BRD1: variants seen among roughly 807,000 people sequenced by gnomAD.
BRD1 encodes the protein bromodomain-containing protein 1.
A neutral mutation model predicts 107.7 loss-of-function variants in BRD1; 24 were observed. That is an observed-to-expected ratio of 0.22 (90% CI 0.16 to 0.31). BRD1 has a LOEUF of 0.31. BRD1 is among the 10% of genes least tolerant of loss of function. The pLI is 1.00. For synonymous variants in BRD1, 744 were observed against 686.1 expected (o/e 1.08, Z -1.32); for missense variants, 1,279 against 1,638.6 (o/e 0.78, Z 3.79).
Position 49,822,960 on chromosome 22 carries a change from G to T in BRD1, c.1358C>A (p.Pro453His). 4 of 1,613,874 alleles carry T rather than the reference G, an allele frequency of 2.5e-6. No individual in the cohort carries two copies. The highest frequency in any genetic ancestry group is 3.4e-6 in the Non-Finnish European group (4 of 1,179,878). Residue 453 changes from proline to histidine, a missense_variant, in exon 2 of 13, where the codon CCC becomes CAC. By Grantham distance (77) the Pro-to-His change is moderately conservative. Coordinates refer to ENST00000404760, the MANE Select transcript of BRD1 (RefSeq NM_001304808.3). ...GCTTGGACACGCTTACCTCTGCGGG[G>T]GAATATAAGGAGCGCACACGGTCGG... ...VLPTVCAPYI[P>H]PQRLNRIANQ...
At chr22:49,793,964 T>C (rs2059482239) in intron 7 of BRD1, 70 bp downstream of exon 7, 15 of 1,543,710 alleles carry the variant, frequency 9.7e-6, no homozygotes, top group African/African-American at 1.4e-5. Flanking sequence ...TGTCTGGGTC[T>C]GTGCCTGTGC....
chr22:49,800,217 C>A (rs959524792), intron 3 of BRD1, among the ~76,000 whole-genome samples: 62 of 152,302 alleles, frequency 4.1e-4, no homozygotes, highest in Non-Finnish European at 7.2e-4. Context: ...GGACTCCAAA[C>A]TGCTCAGAAA....
intron 3 of BRD1, 101 bp downstream of exon 3, chr22:49,804,103 G>T: frequency 9.4e-7 from 1 of 1,059,618 alleles, no homozygotes; most frequent in Non-Finnish European, 1.3e-6. Flanking sequence ...GGGAGCCTGA[G>T]CCCAGGGGGC....
intron 3 of BRD1, among the ~76,000 whole-genome samples, chr22:49,802,648 G>A (rs1256324205): frequency 4.7e-5 from 6 of 128,376 alleles, no homozygotes; most frequent in South Asian, 2.9e-4. Context: ...CCAACATCGC[G>A]GGGGCCGAGA....
chr22:49,818,338 A>G (rs1356007519), intron 2 of BRD1: 2 of 1,269,684 alleles, frequency 1.6e-6, no homozygotes, highest in Admixed American at 4.7e-5. Context: ...CTGCCTGCTG[A>G]TCACAGTCTC....
intron 6 of BRD1, among the ~76,000 whole-genome samples, chr22:49,797,573 T>A (rs951936554): frequency 7.2e-5 from 11 of 152,230 alleles, no homozygotes; most frequent in African/African-American, 2.4e-4. Context: ...ACCGATCCCA[T>A]GTTGAAATCA....
At chr22:49,790,166 A>C (rs550564152) in intron 7 of BRD1, among the ~76,000 whole-genome samples, 2 of 152,208 alleles carry the variant, frequency 1.3e-5, no homozygotes, top group Non-Finnish European at 2.9e-5. Flanking sequence ...CCGGGACCAC[A>C]CAGGCCCCTC....
At position 49,824,125 on chromosome 22, in the gene BRD1, G is replaced by C. The variant is rs777042149; in HGVS notation, c.193C>G (p.Leu65Val). 81 of 1,613,900 alleles carry C rather than the reference G, an allele frequency of 5.0e-5. No individual in the cohort carries two copies. Among genetic ancestry groups the C allele is most frequent in the Middle Eastern group, 1.6e-4 (1 of 6,084 alleles). The part of the protein sequence containing the change: ...DPLEIILEDD[L>V]TAQEMSECNS... ...CACTCACTCATCTCTTGAGCAGTGA[G>C]GTCATCTTCCAATATGATCTCCAGG... The change falls in exon 2 of 13, where the codon CTC (leucine) becomes GTC (valine). Residue 65 changes from leucine (L) to valine (V), a missense_variant. This residue lies in a region of BRD1 where 223 missense variants were observed against 263.5 expected (regional missense o/e 0.85). Transcript: ENST00000404760. This position sits in a 1 kb window ranked among gnomAD's most constrained non-coding sequence, Gnocchi z 5.9.
At chr22:49,774,561 G>A in intron 12 of BRD1, 145 bp from the exon 13 acceptor site, 2 of 920,278 alleles carry the variant, frequency 2.2e-6, no homozygotes, top group Admixed American at 2.8e-5. Flanking sequence ...CCCGTGCAGG[G>A]ACAGGCCCGA....
rs116197859 is a variant in BRD1 at position 49,786,072 on chromosome 22, C to T, written c.2857+1318G>A. ...TGGGAAATAAGCAACACCCACCCAG[C>T]CCCACCCTCTCTCACTGCTCAAGTG... On this transcript the variant is annotated intron_variant, in intron 8 of 12. Transcript: ENST00000404760. 8.0e-3 allele frequency among the ~76,000 whole-genome samples: 1,209 copies of T among 151,688 alleles called. 21 individuals are homozygous for T. Among genetic ancestry groups the T allele is most frequent in the African/African-American group, 0.027 (1,134 of 41,290 alleles).
intron 1 of BRD1, among the ~76,000 whole-genome samples, chr22:49,827,046 C>G (rs2147459825): frequency 6.6e-6 from 1 of 152,170 alleles, no homozygotes; most frequent in South Asian, 2.1e-4. Context: ...GGGCGCGTCC[C>G]TGCTCACAGG....
intron 6 of BRD1, among the ~76,000 whole-genome samples, chr22:49,797,229 G>A (rs1281749912): frequency 2.0e-5 from 3 of 152,370 alleles, no homozygotes; most frequent in South Asian, 4.1e-4. Context: ...CACAAGCCCA[G>A]GCTGGAGTCC....
Position 49,792,497 on chromosome 22 carries a change from G to A in BRD1, c.2359+1537C>T, listed in dbSNP as rs983672100. Among the ~76,000 whole-genome samples, 4 of 152,224 alleles carry A rather than the reference G, an allele frequency of 2.6e-5. No homozygotes were observed. In the East Asian group the frequency reaches 7.7e-4, roughly 29 times the overall value. On this transcript the variant is annotated intron_variant, in intron 7 of 12. Coordinates refer to ENST00000404760, the MANE Select transcript of BRD1 (RefSeq NM_001304808.3). This position sits in a 1 kb window ranked among gnomAD's most constrained non-coding sequence, Gnocchi z 4.2. ...CTGCCAGAGGGTCCTGTAGGCAAACGTTCCTCAGAAAAAACACGAGGCCCC... is the reference window on the plus strand; with the variant it reads ...CTGCCAGAGGGTCCTGTAGGCAAACATTCCTCAGAAAAAACACGAGGCCCC...
chr22:49,802,809 G>C (rs1037512419), intron 3 of BRD1, among the ~76,000 whole-genome samples: 1 of 152,252 alleles, frequency 6.6e-6, no homozygotes, highest in Admixed American at 6.5e-5. Context: ...AGCCCTGGAG[G>C]CTACGAGGTG....
chr22:49,800,401 C>T (rs898393150), intron 3 of BRD1, among the ~76,000 whole-genome samples: 6 of 152,080 alleles, frequency 3.9e-5, no homozygotes, highest in Non-Finnish European at 7.4e-5. Context: ...TAACAAGATC[C>T]ACATCAACTC....
At chr22:49,815,505 T>C (rs1204249422) in intron 2 of BRD1, among the ~76,000 whole-genome samples, 5 of 151,376 alleles carry the variant, frequency 3.3e-5, no homozygotes, top group Non-Finnish European at 1.5e-5. Context: ...ATCACGCCAC[T>C]GCACTCCAGC....
chr22:49,815,154 G>A (rs558073882), intron 2 of BRD1, among the ~76,000 whole-genome samples: 1 of 152,234 alleles, frequency 6.6e-6, no homozygotes, highest in African/African-American at 2.4e-5. Context: ...GCAGAGGAAG[G>A]TGCGGTGAGG....
intron 2 of BRD1, among the ~76,000 whole-genome samples, chr22:49,810,374 A>G (rs879444573): frequency 6.6e-6 from 1 of 152,192 alleles, no homozygotes; most frequent in Non-Finnish European, 1.5e-5. Flanking sequence ...ATATATGTGC[A>G]CATATAAAAA....
rs376924866 is a variant in BRD1, at chr22:49,823,202, G to A, written c.1116C>T (p.Gly372=). ...MKMEPVKELT[G]GGTTFSVRKT... is the part of the protein sequence containing the mutation. ...TTCTGACGGAGAAGGTGGTGCCACC[G>A]CCAGTCAGTTCCTTCACGGGCTCCA... The change falls in exon 2 of 13, where the codon GGC becomes GGT. Residue 372 remains glycine, a synonymous_variant. Coordinates refer to ENST00000404760, the MANE Select transcript of BRD1 (RefSeq NM_001304808.3). 112 of 1,614,214 alleles carry A rather than the reference G, an allele frequency of 6.9e-5. 1 individual carries two copies. The highest frequency in any genetic ancestry group is 2.0e-4 in the South Asian group (18 of 91,086).
Sources: allele counts gnomAD v4.1 joint callset (sites outside exome capture counted in the v4.1 genomes callset), GRCh38; gene constraint gnomAD v4.1.1; regional missense constraint gnomAD v4.1.1; non-coding constraint Gnocchi (gnomAD v3.1); transcripts MANE v1.5; gene names NCBI Gene and HGNC (gene_info 2026-07-23, HGNC 2026-07-21).